UNC13C: variants seen among roughly 807,000 people sequenced by gnomAD.
UNC13C encodes the protein protein unc-13 homolog C.
In UNC13C, 174 loss-of-function variants were observed where a neutral mutation model predicts 245.4. The ratio of observed to expected loss-of-function variants is 0.71; its 90% CI spans 0.63 to 0.80. The LOEUF (loss-of-function observed/expected upper bound fraction) is 0.80. Among genes scored for constraint, UNC13C ranks in the 30% least tolerant of loss-of-function variants. The probability of loss-of-function intolerance (pLI) is 0.00; values close to 1 mark genes in which losing one functional copy is unlikely to be tolerated. For missense variants in UNC13C, 2,829 were observed against 2,602.9 expected (o/e 1.09, Z -1.89); for synonymous variants, 992 against 895.1 (o/e 1.11, Z -1.93).
At chr15:54,333,085 C>T (rs745424107) in intron 15 of UNC13C, among the ~76,000 whole-genome samples, 8 of 151,946 alleles carry the variant, frequency 5.3e-5, no homozygotes, top group Non-Finnish European at 1.0e-4. Context: ...TCATGAATAT[C>T]TCGTAATTAG....
Position 54,452,684 on chromosome 15 carries a change from G to A in UNC13C, c.4933+37617G>A, listed in dbSNP as rs1005972596. ...CAGACGGAGTGATCCTCAGACCCCA[G>A]CAGCATGCTTTTGTGGAGATGGCTG... On this transcript the variant is annotated intron_variant, in intron 19 of 32. Coordinates refer to ENST00000260323, the MANE Select transcript of UNC13C (RefSeq NM_001080534.3). 4.6e-5 allele frequency among the ~76,000 whole-genome samples: 7 copies of A among 152,354 alleles called. 1 individual carries two copies. Among genetic ancestry groups the A allele is most frequent in the East Asian group, 1.9e-4 (1 of 5,166 alleles).
At chr15:54,279,800 T>G (rs2036928597) in intron 10 of UNC13C, among the ~76,000 whole-genome samples, 1 of 152,196 alleles carries the variant, frequency 6.6e-6, no homozygotes, top group Non-Finnish European at 1.5e-5. Flanking sequence ...ATTAGAATGT[T>G]TTTCTGTTCA....
chr15:53,937,081 T>C, the UNC13C span, among the ~76,000 whole-genome samples: 2 of 152,046 alleles, frequency 1.3e-5, no homozygotes, highest in East Asian at 1.9e-4. Context: ...AATAACAAAC[T>C]TCAGTGAGCT....
chr15:54,261,470 A>G (rs1419237691), intron 8 of UNC13C, among the ~76,000 whole-genome samples: 1 of 152,250 alleles, frequency 6.6e-6, no homozygotes, highest in African/African-American at 2.4e-5. Context: ...TAAACAATCT[A>G]AGATGAATAA....
intron 20 of UNC13C, among the ~76,000 whole-genome samples, chr15:54,497,543 C>T (rs918991753): frequency 1.3e-5 from 2 of 151,906 alleles, no homozygotes. Flanking sequence ...GCCTAATTTA[C>T]CTATGTGTTG....
At chr15:54,044,102 C>T (rs1260905135) in intron 2 of UNC13C, among the ~76,000 whole-genome samples, 4 of 152,210 alleles carry the variant, frequency 2.6e-5, no homozygotes, top group African/African-American at 7.2e-5. Context: ...CAGCCTCTGG[C>T]AACCACTAAT....
rs749664284 is a variant in UNC13C, at chr15:54,567,919, G to A, written c.6078G>A (p.Lys2026=). 2 of 1,579,812 alleles carry A rather than the reference G, an allele frequency of 1.3e-6. No homozygotes were observed. The highest frequency in any genetic ancestry group is 1.7e-6 in the Non-Finnish European group (2 of 1,160,948). Residue 2026 remains lysine (K), a synonymous_variant, in exon 30 of 33, where the codon AAG becomes AAA. Coordinates refer to ENST00000260323, the MANE Select transcript of UNC13C (RefSeq NM_001080534.3). ...CCCAAACTACTGATGCCTTGATAAAGAAATTCATAGATACTCAAACCTCAC... is the reference window on the plus strand; with the variant it reads ...CCCAAACTACTGATGCCTTGATAAAAAAATTCATAGATACTCAAACCTCAC... ...LYTQTTDALI[K]KFIDTQTSQS... is the part of the protein sequence containing the mutation.
At chr15:54,297,749 G>A (rs368005559) in intron 11 of UNC13C, 62 bp from the exon 12 acceptor site, 1 of 1,221,754 alleles carries the variant, frequency 8.2e-7, no homozygotes, top group East Asian at 2.5e-5. Context: ...GCTTTTGAGA[G>A]GTCGTATGAG....
At chr15:54,319,429 A>C (rs1404165232) in intron 13 of UNC13C, among the ~76,000 whole-genome samples, 1 of 151,940 alleles carries the variant, frequency 6.6e-6, no homozygotes, top group Non-Finnish European at 1.5e-5. Context: ...TTCAGTGTAT[A>C]ATAAAGTCAT....
chr15:54,127,752 AT>A (rs1355058246), intron 2 of UNC13C, among the ~76,000 whole-genome samples: 7 of 114,926 alleles, frequency 6.1e-5, no homozygotes, highest in African/African-American at 2.4e-4. Flanking sequence ...TATATTTCAT[AT>A]ATATTTATGT....
At chr15:54,541,770 T>C (rs1896257383) in intron 26 of UNC13C, among the ~76,000 whole-genome samples, 1 of 152,122 alleles carries the variant, frequency 6.6e-6, no homozygotes, top group Non-Finnish European at 1.5e-5. Context: ...TGCTAGATAA[T>C]GTTACATCAT....
intron 2 of UNC13C, among the ~76,000 whole-genome samples, chr15:54,115,126 G>A (rs1043438895): frequency 2.0e-5 from 3 of 151,862 alleles, no homozygotes; most frequent in Non-Finnish European, 4.4e-5. Flanking sequence ...TACTTGTAAT[G>A]TGCTTAAGTT....
Position 54,311,314 on chromosome 15 carries a change from T to G in UNC13C, c.4269-10625T>G, listed in dbSNP as rs897576758. Among the ~76,000 whole-genome samples, 6 of 151,904 alleles carry G rather than the reference T, an allele frequency of 3.9e-5. No individual in the cohort carries two copies. In the East Asian group the frequency reaches 1.2e-3, roughly 30 times the overall value. On this transcript the variant is annotated intron_variant, in intron 13 of 32. Coordinates refer to ENST00000260323, the MANE Select transcript of UNC13C (RefSeq NM_001080534.3). ...CTACTCCTAAGTATTGTATCTTTAA[T>G]CTTTAGGTGTATTAAAAACTGTTTA...
intron 19 of UNC13C, among the ~76,000 whole-genome samples, chr15:54,462,062 C>G (rs1049741594): frequency 6.6e-6 from 1 of 152,060 alleles, no homozygotes; most frequent in African/African-American, 2.4e-5. Flanking sequence ...ATGTTAAGTA[C>G]TGGGATACAA....
chr15:54,453,032 C>G (rs897542081), intron 19 of UNC13C, among the ~76,000 whole-genome samples: 1 of 152,146 alleles, frequency 6.6e-6, no homozygotes, highest in African/African-American at 2.4e-5. Flanking sequence ...GCTAGGTTCT[C>G]AAAATGGCAC....
intron 23 of UNC13C, among the ~76,000 whole-genome samples, chr15:54,511,284 G>A (rs1894726567): frequency 6.6e-6 from 1 of 152,180 alleles, no homozygotes; most frequent in South Asian, 2.1e-4. Flanking sequence ...AAAACACTTC[G>A]AATACCAGCA....
At chr15:53,839,996 A>T in the UNC13C span, among the ~76,000 whole-genome samples, 1 of 152,044 alleles carries the variant, frequency 6.6e-6, no homozygotes. Context: ...CCCAATTAAG[A>T]CTCATATCTC....
chr15:54,579,400 G>A lies in UNC13C; in HGVS notation c.6106+11453G>A, dbSNP rs77379886. Reference sequence around the variant, plus strand: ...ATTGCCAAGGTGCAGTTTATTCAAAGTGGTAGATTTTGAAGTCTTTTAAGG... The same window carrying A: ...ATTGCCAAGGTGCAGTTTATTCAAAATGGTAGATTTTGAAGTCTTTTAAGG... On this transcript the variant is annotated intron_variant, in intron 30 of 32. Transcript: ENST00000260323. Among the ~76,000 whole-genome samples, 743 of 152,278 alleles carry A rather than the reference G, an allele frequency of 4.9e-3. 1 individual carries two copies. The highest frequency in any genetic ancestry group is 8.4e-3 in the Non-Finnish European group (574 of 68,014).
At chr15:54,412,893 A>C (rs907960545) in intron 18 of UNC13C, among the ~76,000 whole-genome samples, 1 of 152,190 alleles carries the variant, frequency 6.6e-6, no homozygotes, top group African/African-American at 2.4e-5. Flanking sequence ...AGACTTAACT[A>C]TAATTTTAGC....
Sources: allele counts gnomAD v4.1 joint callset (sites outside exome capture counted in the v4.1 genomes callset), GRCh38; gene constraint gnomAD v4.1.1; transcripts MANE v1.5; gene names NCBI Gene and HGNC (gene_info 2026-07-23, HGNC 2026-07-21).